The following ARMC1 variants were observed in gnomAD, a reference collection of about 807,000 sequenced individuals.
ARMC1 encodes the protein armadillo repeat-containing protein 1.
A neutral mutation model predicts 31.4 loss-of-function variants in ARMC1; 16 were observed. That is an observed-to-expected ratio of 0.51 (90% confidence interval 0.34 to 0.77). The LOEUF (loss-of-function observed/expected upper bound fraction) is 0.77. Among genes scored for constraint, ARMC1 ranks in the 30% least tolerant of loss-of-function variants. The pLI, the probability that ARMC1 is intolerant of heterozygous loss-of-function variation, is 0.01. For synonymous variants in ARMC1, 114 were observed against 118.9 expected (o/e 0.96, Z 0.27); for missense variants, 259 against 347.5 (o/e 0.75, Z 2.02).
intron 4 of ARMC1, among the ~76,000 whole-genome samples, chr8:65,610,933 C>T (rs1188643527): frequency 6.6e-6 from 1 of 151,742 alleles, no homozygotes; most frequent in Non-Finnish European, 1.5e-5. Flanking sequence ...AAAATATTCA[C>T]TTATCCTTTT....
intron 3 of ARMC1, among the ~76,000 whole-genome samples, chr8:65,616,181 G>T (rs558773518): frequency 7.7e-4 from 117 of 152,308 alleles, no homozygotes; most frequent in African/African-American, 2.4e-3. Context: ...CTCTGATGCC[G>T]AGCGGAAGCT....
chr8:65,627,135 C>T (rs775746287), intron 2 of ARMC1, 81 bp downstream of exon 2: 1 of 1,340,402 alleles, frequency 7.5e-7, no homozygotes, highest in Non-Finnish European at 1.0e-6. Context: ...GTTTTTTTAC[C>T]TTGTCATCTA....
intron 3 of ARMC1, among the ~76,000 whole-genome samples, chr8:65,619,462 C>T (rs536478329): frequency 4.6e-5 from 7 of 152,008 alleles, no homozygotes; most frequent in South Asian, 2.1e-4. Context: ...CGCTTGAAAC[C>T]GAGAGGAAGA....
intron 6 of ARMC1, 32 bp from the exon 7 acceptor site, chr8:65,604,617 A>T (rs1289470715): frequency 1.3e-6 from 2 of 1,591,826 alleles, no homozygotes; most frequent in Admixed American, 3.4e-5. Flanking sequence ...GTTATTACAA[A>T]ATCAACTTTA....
At chr8:65,617,684 C>T (rs550341820) in intron 3 of ARMC1, among the ~76,000 whole-genome samples, 33 of 152,000 alleles carry the variant, frequency 2.2e-4, no homozygotes, top group Admixed American at 3.9e-4. Context: ...ACACTGGGAA[C>T]GACTAGACAG....
intron 4 of ARMC1, among the ~76,000 whole-genome samples, chr8:65,610,287 C>T (rs574614428): frequency 6.6e-6 from 1 of 151,846 alleles, no homozygotes; most frequent in East Asian, 2.0e-4. Context: ...TTAGTAGAGA[C>T]GGGGTTTCAC....
At chr8:65,633,696 A>G (rs1808701477) in intron 1 of ARMC1, 1 of 152,296 alleles carries the variant, frequency 6.6e-6, no homozygotes, top group Non-Finnish European at 1.5e-5. Context: ...CACAAAACTA[A>G]CAGAAAGTTA....
At chr8:65,621,185 T>C (rs942201717) in intron 3 of ARMC1, among the ~76,000 whole-genome samples, 3 of 152,192 alleles carry the variant, frequency 2.0e-5, no homozygotes, top group Admixed American at 6.5e-5. Context: ...CCATTCCAGA[T>C]ACATTGCACA....
intron 1 of ARMC1, chr8:65,633,020 T>C (rs1256098753): frequency 6.6e-6 from 1 of 152,212 alleles, no homozygotes; most frequent in Non-Finnish European, 1.5e-5. Context: ...AAATGCTGAT[T>C]CAGTAGGTGG....
At chr8:65,622,939 G>A (rs1364776155) in intron 2 of ARMC1, among the ~76,000 whole-genome samples, 1 of 151,436 alleles carries the variant, frequency 6.6e-6, no homozygotes, top group Non-Finnish European at 1.5e-5. Context: ...ACGGGAGGCG[G>A]AGGTTGCAGT....
At chr8:65,607,630 G>C (rs1416295543) in intron 4 of ARMC1, among the ~76,000 whole-genome samples, 1 of 152,126 alleles carries the variant, frequency 6.6e-6, no homozygotes, top group Non-Finnish European at 1.5e-5. Context: ...CTAAAATAAT[G>C]CCTAACATTA....
rs533345706 is a variant in ARMC1 at position 65,632,570 on chromosome 8, G to A, written c.-36+1428C>T. Reference sequence around the variant, plus strand: ...GGAACTTGCAGTGAGCCGAGATTGTGCCACTGCACTCCAGCCTGGGCAACA... The same window carrying A: ...GGAACTTGCAGTGAGCCGAGATTGTACCACTGCACTCCAGCCTGGGCAACA... On this transcript the variant is annotated intron_variant, in intron 1 of 6. Transcript: ENST00000276569. Among the ~76,000 whole-genome samples, 309 of 151,936 alleles carry A rather than the reference G, an allele frequency of 2.0e-3. 1 individual carries two copies. The highest frequency in any genetic ancestry group is 7.2e-3 in the African/African-American group (300 of 41,424).
rs1808711728 is a variant in ARMC1 at position 65,634,042 on chromosome 8, C to CCA, written c.-82_-81dup. On this transcript the variant is annotated 5_prime_UTR_variant, in exon 1 of 7. Transcript: ENST00000276569. ...TCCAGAGCCTGCCACACCATCAGGG[C>CCA]CACACCTACGGATGAGGTAGAGACC... 6.6e-6 allele frequency: 1 copy of CCA among 152,412 alleles called. No homozygotes were observed. The highest frequency in any genetic ancestry group is 1.9e-4 in the East Asian group (1 of 5,200). The allele number at this position is 152,412 out of a possible 1,614,324, so 9.4% of individuals were successfully genotyped here. A position where few individuals can be genotyped will look rare whatever the true frequency, so the allele number is the denominator to read the frequency against.
At chr8:65,617,398 T>C (rs1390746682) in intron 3 of ARMC1, among the ~76,000 whole-genome samples, 1 of 152,174 alleles carries the variant, frequency 6.6e-6, no homozygotes, top group Non-Finnish European at 1.5e-5. Context: ...AGATGTGCTT[T>C]GTTAAACAGA....
rs1362679540 is a variant in ARMC1, at chr8:65,627,226, G to A, written c.173C>T (p.Ser58Phe). 3.2e-6 allele frequency: 5 copies of A among 1,571,166 alleles called. No individual in the cohort carries two copies. Among genetic ancestry groups the A allele is most frequent in the Non-Finnish European group, 4.3e-6 (5 of 1,155,976 alleles). The change falls in exon 2 of 7, where the codon TCC becomes TTC. Residue 58 changes from serine to phenylalanine, a missense_variant. Physicochemically the swap from Ser to Phe is radical, Grantham distance 155. Transcript: ENST00000276569. The stretch of plus-strand genomic sequence containing the variant: ...CTAAAGGCAACTTACAAGCAAAGCG[G>A]AGTGGACGACTGGAGGGTTGGGATG... ...MDHPNPPVVH[S>F]ALLALRYLAE...
intron 3 of ARMC1, among the ~76,000 whole-genome samples, chr8:65,613,668 G>A (rs1808191699): frequency 6.6e-6 from 1 of 152,060 alleles, no homozygotes. Context: ...CACTATAGAG[G>A]TATAAAAACA....
intron 4 of ARMC1, among the ~76,000 whole-genome samples, chr8:65,610,274 T>A (rs988792735): frequency 3.9e-5 from 6 of 151,928 alleles, no homozygotes; most frequent in Non-Finnish European, 8.8e-5. Context: ...ATTTTTTGTA[T>A]CTTTAGTAGA....
chr8:65,624,614 C>CA (rs1208284067), intron 2 of ARMC1, among the ~76,000 whole-genome samples: 4 of 149,784 alleles, frequency 2.7e-5, no homozygotes, highest in Admixed American at 6.7e-5. Context: ...AAATGTATGA[C>CA]AAAAATAGCA....
At chr8:65,623,028 G>A (rs1220520146) in intron 2 of ARMC1, among the ~76,000 whole-genome samples, 1 of 146,510 alleles carries the variant, frequency 6.8e-6, no homozygotes, top group African/African-American at 2.5e-5. Context: ...AAAAAAAAAA[G>A]GCTGGGCGCA....
Sources: gnomAD v4.1 joint callset for allele counts (sites outside exome capture counted in the v4.1 genomes callset) on GRCh38, gnomAD v4.1.1 for gene constraint, MANE v1.5 for transcripts, NCBI Gene and HGNC (gene_info 2026-07-23, HGNC 2026-07-21) for gene names.